The following RARB variants were observed in gnomAD, a reference collection of about 807,000 sequenced individuals.
RARB encodes retinoic acid receptor beta.
A neutral mutation model predicts 51.9 loss-of-function variants in RARB; 17 were observed. That is an observed-to-expected ratio of 0.33 (90% CI 0.22 to 0.49). The LOEUF (loss-of-function observed/expected upper bound fraction) is 0.49. RARB is among the 20% of genes least tolerant of loss of function. RARB has a pLI of 0.99. For missense variants in RARB, 369 were observed against 550.8 expected (o/e 0.67, Z 3.30); for synonymous variants, 215 against 195.4 (o/e 1.10, Z -0.84).
chr3:25,257,332 A>G (rs185566090), intron 5 of RARB, among the ~76,000 whole-genome samples: 2 of 152,194 alleles, frequency 1.3e-5, no homozygotes, highest in Admixed American at 1.3e-4. Context: ...GAGTAGAATG[A>G]AAAGGGAATT....
At chr3:25,100,767 G>A (rs914763601) in intron 3 of RARB, among the ~76,000 whole-genome samples, 3 of 152,054 alleles carry the variant, frequency 2.0e-5, no homozygotes, top group Admixed American at 6.6e-5. Context: ...ATAGCCACTC[G>A]GTCACGTGTC....
At chr3:25,224,629 A>G (rs1044254276) in intron 5 of RARB, among the ~76,000 whole-genome samples, 1 of 152,154 alleles carries the variant, frequency 6.6e-6, no homozygotes, top group African/African-American at 2.4e-5. Context: ...ATTATTTGAG[A>G]CAGGGTCTCA....
chr3:24,998,290 T>C (rs1013442660), intron 2 of RARB, among the ~76,000 whole-genome samples: 5 of 151,668 alleles, frequency 3.3e-5, no homozygotes, highest in East Asian at 3.9e-4. Flanking sequence ...TTTTTTTTTT[T>C]CTTTGGAGTC....
intron 2 of RARB, among the ~76,000 whole-genome samples, chr3:24,975,403 A>C (rs1696488880): frequency 6.6e-6 from 1 of 152,152 alleles, no homozygotes; most frequent in African/African-American, 2.4e-5. Context: ...TGCATGTGAA[A>C]AGAGTTCAGG....
At chr3:25,435,911 A>G (rs1035750489) in intron 1 of RARB, among the ~76,000 whole-genome samples, 1 of 152,194 alleles carries the variant, frequency 6.6e-6, no homozygotes, top group African/African-American at 2.4e-5. Context: ...CTACTAAAAT[A>G]CCGTTGTTGC....
intron 2 of RARB, among the ~76,000 whole-genome samples, chr3:24,887,996 G>A (rs910875221): frequency 2.6e-5 from 4 of 152,118 alleles, no homozygotes; most frequent in South Asian, 2.1e-4. Context: ...CAACATGTGA[G>A]TGCCCATGGC....
In RARB at chr3:25,145,864, T is replaced by C. The variant is rs565955630; in HGVS notation, c.-280+13656T>C. Among the ~76,000 whole-genome samples, 27 of 151,838 alleles carry C rather than the reference T, an allele frequency of 1.8e-4. No homozygotes were observed. In the South Asian group the frequency reaches 5.4e-3, roughly 30 times the overall value. ...TACAAAAAAAAATATTAACCAGGCA[T>C]GGTAGGGGGTGCCTATAATCCCAGC... On this transcript the variant is annotated intron_variant, in intron 4 of 11. Transcript: ENST00000383772.
chr3:25,027,556 G>C (rs1279392551), intron 2 of RARB, among the ~76,000 whole-genome samples: 4 of 151,978 alleles, frequency 2.6e-5, no homozygotes, highest in Non-Finnish European at 5.9e-5. Flanking sequence ...AGCCATAATT[G>C]AGGTGAGTAT....
At chr3:25,433,534 A>C (rs538890835) in intron 1 of RARB, among the ~76,000 whole-genome samples, 2 of 152,222 alleles carry the variant, frequency 1.3e-5, no homozygotes, top group African/African-American at 2.4e-5. Flanking sequence ...AGGAGGGAGT[A>C]GAATTAAATT....
chr3:24,843,842 G>A (rs1702450900), intron 1 of RARB, among the ~76,000 whole-genome samples: 1 of 151,868 alleles, frequency 6.6e-6, no homozygotes, highest in African/African-American at 2.4e-5. Flanking sequence ...TCGATCAGCT[G>A]TGCTCTTGGT....
chr3:24,885,874 T>C (rs1255268429), intron 2 of RARB, among the ~76,000 whole-genome samples: 1 of 152,244 alleles, frequency 6.6e-6, no homozygotes, highest in Non-Finnish European at 1.5e-5. Context: ...TTTAAGCAAC[T>C]TAAACTATAT....
chr3:25,280,408 C>T (rs1703494837), intron 5 of RARB, among the ~76,000 whole-genome samples: 1 of 152,194 alleles, frequency 6.6e-6, no homozygotes, highest in Non-Finnish European at 1.5e-5. Flanking sequence ...TTCTCAAATG[C>T]CAAGGTGCCA....
chr3:25,199,642 G>A (rs1470966266), intron 5 of RARB, among the ~76,000 whole-genome samples: 2 of 152,022 alleles, frequency 1.3e-5, no homozygotes, highest in Non-Finnish European at 2.9e-5. Context: ...TCCCCTTCCT[G>A]TGTCCATGTG....
intron 3 of RARB, among the ~76,000 whole-genome samples, chr3:25,075,306 A>T (rs1046817182): frequency 2.6e-5 from 4 of 152,116 alleles, no homozygotes; most frequent in South Asian, 2.1e-4. Context: ...GTTAATAAAA[A>T]TTGTCCTTCA....
chr3:24,970,432 T>A (rs540152893), intron 2 of RARB, among the ~76,000 whole-genome samples: 1 of 152,124 alleles, frequency 6.6e-6, no homozygotes, highest in South Asian at 2.1e-4. Context: ...TAGTCCATAC[T>A]GGGGAGTCTA....
At chr3:25,129,670 GAATT>G (rs1699914563) in intron 3 of RARB, among the ~76,000 whole-genome samples, 1 of 151,872 alleles carries the variant, frequency 6.6e-6, no homozygotes. Context: ...TTGAATGAGT[GAATT>G]AATGACTACT....
intron 4 of RARB, among the ~76,000 whole-genome samples, chr3:25,156,823 C>T (rs186273439): frequency 6.6e-6 from 1 of 152,256 alleles, no homozygotes; most frequent in Admixed American, 6.5e-5. Context: ...TTAGCTAGAA[C>T]AAGGCTAAAA....
intron 2 of RARB, among the ~76,000 whole-genome samples, chr3:25,475,008 A>G (rs1218809359): frequency 6.6e-6 from 1 of 152,136 alleles, no homozygotes; most frequent in African/African-American, 2.4e-5. Context: ...GAATTACATT[A>G]CAAATCGTAA....
At chr3:25,565,983 T>A (rs1700478272) in intron 3 of RARB, among the ~76,000 whole-genome samples, 1 of 152,154 alleles carries the variant, frequency 6.6e-6, no homozygotes, top group Non-Finnish European at 1.5e-5. Flanking sequence ...GTATCGCCCT[T>A]GCCTCCCACT....
Sources: allele counts gnomAD v4.1 joint callset (sites outside exome capture counted in the v4.1 genomes callset), GRCh38; gene constraint gnomAD v4.1.1; transcripts MANE v1.5; gene names NCBI Gene and HGNC (gene_info 2026-07-23, HGNC 2026-07-21).